KDSR: variants seen among roughly 807,000 people sequenced by gnomAD.
KDSR encodes the protein 3-ketodihydrosphingosine reductase.
A neutral mutation model predicts 41.3 loss-of-function variants in KDSR; 23 were observed. That is an observed-to-expected ratio of 0.56 (90% CI 0.40 to 0.79). The LOEUF is 0.79. Among genes scored for constraint, KDSR ranks in the 30% least tolerant of loss-of-function variants. The pLI, the probability that KDSR is intolerant of heterozygous loss-of-function variation, is 0.00. For synonymous variants in KDSR, 138 were observed against 151.7 expected (o/e 0.91, Z 0.66); for missense variants, 351 against 416.8 (o/e 0.84, Z 1.37).
intron 8 of KDSR, among the ~76,000 whole-genome samples, chr18:63,337,088 G>A (rs56158687): frequency 1.7e-4 from 5 of 30,302 alleles, no homozygotes; most frequent in African/African-American, 3.3e-4. Flanking sequence ...ATATATATAT[G>A]TGACTTTATA....
intron 1 of KDSR, among the ~76,000 whole-genome samples, chr18:63,365,167 C>G (rs1915099020): frequency 6.6e-6 from 1 of 152,266 alleles, no homozygotes; most frequent in South Asian, 2.1e-4. Flanking sequence ...GGCGCGATGG[C>G]TCGCGCCTGT....
chr18:63,354,721 A>T (rs1239058387), intron 5 of KDSR, among the ~76,000 whole-genome samples: 2 of 152,228 alleles, frequency 1.3e-5, no homozygotes, highest in Admixed American at 1.3e-4. Flanking sequence ...TTGGTGCTGA[A>T]ATAAATTACC....
intron 5 of KDSR, 78 bp downstream of exon 5, chr18:63,355,126 G>T: frequency 1.1e-6 from 1 of 943,378 alleles, no homozygotes; most frequent in South Asian, 1.4e-5. Context: ...TCATCTAATT[G>T]ATTCTTAAAG....
chr18:63,334,584 A>G (rs1382868985), intron 9 of KDSR, among the ~76,000 whole-genome samples: 1 of 152,138 alleles, frequency 6.6e-6, no homozygotes, highest in Non-Finnish European at 1.5e-5. Context: ...CCTGATCTCA[A>G]GTGATCTACC....
rs1026929929 is a variant in KDSR at position 63,329,766 on chromosome 18, A to C, written c.*2016T>G. 5.1e-6 allele frequency: 1 copy of C among 194,536 alleles called. No individual in the cohort carries two copies. Among genetic ancestry groups the C allele is most frequent in the African/African-American group, 2.3e-5 (1 of 43,102 alleles). 12.1% of individuals were successfully genotyped at this position (194,536 alleles called of 1,614,324 possible). ...TAAATCAGACACTTTCTTGGACTAG[A>C]TTCTAATATAGATCAGCAGTAGAAG... On this transcript the variant is annotated 3_prime_UTR_variant, in exon 10 of 10. Coordinates refer to ENST00000645214, the MANE Select transcript of KDSR (RefSeq NM_002035.4).
chr18:63,351,493 G>A (rs1408562549), intron 5 of KDSR, among the ~76,000 whole-genome samples: 5 of 152,218 alleles, frequency 3.3e-5, no homozygotes, highest in Non-Finnish European at 7.3e-5. Flanking sequence ...CAGAGTAGGA[G>A]GGTGATTTAA....
At chr18:63,348,284 C>T (rs1462417220) in intron 6 of KDSR, among the ~76,000 whole-genome samples, 4 of 148,358 alleles carry the variant, frequency 2.7e-5, no homozygotes, top group Non-Finnish European at 5.9e-5. Context: ...ACTCCAGCCT[C>T]GGCAACAAAG....
intron 7 of KDSR, among the ~76,000 whole-genome samples, chr18:63,341,179 A>G (rs1914330970): frequency 6.6e-6 from 1 of 151,806 alleles, no homozygotes; most frequent in African/African-American, 2.4e-5. Flanking sequence ...AACAACAGAG[A>G]AAAAGAAAGT....
At position 63,343,114 on chromosome 18, in the gene KDSR, C is replaced by T. The variant is rs576281272; in HGVS notation, c.693+1296G>A. 4.2e-4 allele frequency among the ~76,000 whole-genome samples: 64 copies of T among 152,274 alleles called. 1 individual carries two copies. Among genetic ancestry groups the T allele is most frequent in the Admixed American group, 6.5e-4 (10 of 15,292 alleles). On this transcript the variant is annotated intron_variant, in intron 7 of 9. Transcript: ENST00000645214. ...CTGTGGAACTGTGAGCAAATTAAAC[C>T]TCTTTTACGTGTAAATTACCCAATC...
chr18:63,355,457 G>A, intron 4 of KDSR, 41 bp downstream of exon 4: 1 of 1,613,342 alleles, frequency 6.2e-7, no homozygotes, highest in Non-Finnish European at 8.5e-7. Context: ...CAAATCAAAA[G>A]TCAAGCACAT....
chr18:63,357,982 C>A (rs1029795989), intron 3 of KDSR, among the ~76,000 whole-genome samples: 68 of 151,980 alleles, frequency 4.5e-4, no homozygotes, highest in African/African-American at 1.6e-3. Context: ...TCGAGACCAG[C>A]CTGATCAACA....
intron 9 of KDSR, 73 bp downstream of exon 9, chr18:63,335,184 A>G (rs758475771): frequency 3.2e-5 from 31 of 955,828 alleles, no homozygotes; most frequent in Non-Finnish European, 5.0e-5. Flanking sequence ...ACCTCTTCTC[A>G]TCAAGGTTTG....
intron 7 of KDSR, among the ~76,000 whole-genome samples, chr18:63,340,992 A>C (rs1914326564): frequency 6.6e-6 from 1 of 152,206 alleles, no homozygotes; most frequent in South Asian, 2.1e-4. Context: ...TCAAACCATG[A>C]GAAAAGTGAG....
chr18:63,367,111 A>T lies in KDSR; in HGVS notation c.8T>A (p.Leu3Gln), dbSNP rs768465380. ML[L>Q]LAAAFLVAFV... ...GGCCACGAGGAAGGCGGCAGCCAGC[A>T]GCAGCATCGCTCCGCGGGGCCAGGG... Residue 3 changes from leucine (L) to glutamine (Q), a missense_variant, in exon 1 of 10, where the codon CTG becomes CAG. Coordinates refer to ENST00000645214, the MANE Select transcript of KDSR (RefSeq NM_002035.4). 2.2e-5 allele frequency: 29 copies of T among 1,329,396 alleles called. No individual in the cohort carries two copies. The highest frequency in any genetic ancestry group is 2.8e-5 in the Non-Finnish European group (29 of 1,036,016). 82.4% of individuals were successfully genotyped at this position (1,329,396 alleles called of 1,614,324 possible).
intron 3 of KDSR, chr18:63,359,506 G>A (rs1195030373): frequency 2.5e-6 from 1 of 399,870 alleles, no homozygotes; most frequent in East Asian, 3.7e-5. Flanking sequence ...TTATTTGCCA[G>A]TAAAACATTC....
rs1445644197 is a variant in KDSR, at chr18:63,331,284, GACAGAGAGACAGAGAGAC to G, written c.*480_*497del. 38 of 141,722 alleles carry G rather than the reference GACAGAGAGACAGAGAGAC, an allele frequency of 2.7e-4. 1 individual carries two copies. The highest frequency in any genetic ancestry group is 7.1e-4 in the South Asian group (2 of 2,818). The allele number at this position is 141,722 out of a possible 1,614,324, so 8.8% of individuals were successfully genotyped here. The stretch of plus-strand genomic sequence containing the variant: ...AGAAAGAAAGAGAGAGAGAGAGAGA[GACAGAGAGACAGAGAGAC>G]AGAGAGACAGAGAGACAGAGAGACA... On this transcript the variant is annotated 3_prime_UTR_variant, in exon 10 of 10. Transcript: ENST00000645214.
intron 6 of KDSR, among the ~76,000 whole-genome samples, chr18:63,347,657 AC>A (rs1914549996): frequency 6.6e-6 from 1 of 152,156 alleles, no homozygotes; most frequent in Non-Finnish European, 1.5e-5. Flanking sequence ...TTACTTTCAG[AC>A]CACAGAAGGA....
chr18:63,332,373 C>T (rs900791320), intron 9 of KDSR, among the ~76,000 whole-genome samples: 2 of 152,146 alleles, frequency 1.3e-5, no homozygotes, highest in African/African-American at 2.4e-5. Context: ...GAAACTACTG[C>T]CTCAGGGTTG....
At chr18:63,350,744 G>T in intron 6 of KDSR, 144 bp downstream of exon 6, 1 of 664,802 alleles carries the variant, frequency 1.5e-6, no homozygotes, top group Non-Finnish European at 2.6e-6. Flanking sequence ...AAAACTCAGG[G>T]TTGAGCCAAT....
Sources: gnomAD v4.1 joint callset for allele counts (sites outside exome capture counted in the v4.1 genomes callset) on GRCh38, gnomAD v4.1.1 for gene constraint, MANE v1.5 for transcripts, NCBI Gene and HGNC (gene_info 2026-07-23, HGNC 2026-07-21) for gene names.